The following EP400 variants were observed in gnomAD, a reference collection of about 807,000 sequenced individuals.
EP400 encodes the protein E1A binding protein p400.
In EP400, 105 loss-of-function variants were observed where a neutral mutation model predicts 354.1. That is an observed-to-expected ratio of 0.30 (90% confidence interval 0.25 to 0.35). The LOEUF (loss-of-function observed/expected upper bound fraction) is 0.35. EP400 is among the 10% of genes least tolerant of loss of function. EP400 has a pLI of 1.00. For missense variants in EP400, 3,280 were observed against 4,121.0 expected, an observed-to-expected ratio of 0.80 and a Z score of 5.59; for synonymous variants, 1,646 against 1,716.9, an observed-to-expected ratio of 0.96 and a Z score of 1.02.
chr12:132,035,680 A>G (rs1354486376), intron 30 of EP400, among the ~76,000 whole-genome samples: 17 of 140,810 alleles, frequency 1.2e-4, no homozygotes, highest in East Asian at 4.4e-4. Flanking sequence ...AGGTTCACAC[A>G]GAACGTCATG....
intron 23 of EP400, among the ~76,000 whole-genome samples, chr12:132,021,662 G>C (rs561540145): frequency 6.6e-6 from 1 of 152,240 alleles, no homozygotes; most frequent in Non-Finnish European, 1.5e-5. Flanking sequence ...GGTGCACTCT[G>C]GGGGAGCAGA....
At chr12:132,011,074 T>C (rs1893748941) in intron 15 of EP400, among the ~76,000 whole-genome samples, 1 of 152,256 alleles carries the variant, frequency 6.6e-6, no homozygotes, top group South Asian at 2.1e-4. Flanking sequence ...AAACACAGTT[T>C]AGACGCCTGC....
Position 132,043,656 on chromosome 12 carries a change from T to A in EP400, c.6378T>A (p.Ile2126=), listed in dbSNP as rs201673379. Reference sequence around the variant, plus strand: ...TACTTTTGGAACAGCTTACACCAATTGAAAAATATGCTTTAAATTACCTGG... The same window carrying A: ...TACTTTTGGAACAGCTTACACCAATAGAAAAATATGCTTTAAATTACCTGG... ...LADFMEQLTP[I]EKYALNYLEL... Residue 2126 remains isoleucine, a synonymous_variant, in exon 34 of 53, where the codon ATT becomes ATA. Coordinates refer to ENST00000389561, the MANE Select transcript of EP400 (RefSeq NM_015409.5). 3.7e-6 allele frequency: 6 copies of A among 1,610,150 alleles called. No individual in the cohort carries two copies. The Admixed American group carries it at 8.5e-5, about 23-fold the overall frequency.
In EP400 at chr12:132,011,614, G is replaced by A; in HGVS notation, c.3421G>A (p.Glu1141Lys). ...CCTCTCATATATTGGCAGCCACAGA[G>A]AACTCAAAGCAAAGAGACAGGTATT... ...KILSYIGSHR[E>K]LKAKRQEWAE... Residue 1141 changes from glutamate (E) to lysine (K), a missense_variant, in exon 16 of 53, where the codon GAA (glutamate) becomes AAA (lysine). Around this residue, in one of 20 missense-constraint regions of EP400, gnomAD observed 242 missense variants for 357.9 expected, o/e 0.68. Coordinates refer to ENST00000389561, the MANE Select transcript of EP400 (RefSeq NM_015409.5). The A allele has an allele frequency of 6.2e-7, 1 of 1,608,318 alleles. No individual in the cohort carries two copies. The highest frequency in any genetic ancestry group is 1.1e-5 in the South Asian group (1 of 89,534).
At chr12:131,967,053 C>T (rs1413825088) in intron 2 of EP400, among the ~76,000 whole-genome samples, 3 of 150,976 alleles carry the variant, frequency 2.0e-5, no homozygotes, top group African/African-American at 7.3e-5. Context: ...CATCCTGGGC[C>T]ACAGGGCCAC....
rs778736417 is a variant in EP400, at chr12:132,044,898, G to T, written c.6729G>T (p.Lys2243Asn). The change falls in exon 37 of 53, where the codon AAG (lysine) becomes AAT (asparagine). Residue 2243 changes from lysine to asparagine, a missense_variant. Transcript: ENST00000389561. ...MYEATPIPEAKLPPVYVRKER... is the reference protein window; with the variant it reads ...MYEATPIPEANLPPVYVRKER... ...AAGCCACTCCCATCCCAGAGGCTAA[G>T]CTGCCCCCTGTGTACGTGAGGAAGG... 1 of 1,614,086 alleles carries T rather than the reference G, an allele frequency of 6.2e-7. No individual in the cohort carries two copies. The highest frequency in any genetic ancestry group is 8.5e-7 in the Non-Finnish European group (1 of 1,180,036).
chr12:131,960,978 A>G lies in EP400; in HGVS notation c.359A>G (p.Tyr120Cys), dbSNP rs1335007910. ...CGGTTTGAGCATGGGTCTCCATCAT[A>G]CATTCAGGTCACGTCCCCCTTGTCC... ...PRRFEHGSPS[Y>C]IQVTSPLSQQ... Residue 120 changes from tyrosine to cysteine, a missense_variant, in exon 2 of 53, where the codon TAC (tyrosine) becomes TGC (cysteine). By Grantham distance (194) the Tyr-to-Cys change is radical. Coordinates refer to ENST00000389561, the MANE Select transcript of EP400 (RefSeq NM_015409.5). 1 of 1,608,918 alleles carries G rather than the reference A, an allele frequency of 6.2e-7. No homozygotes were observed. The highest frequency in any genetic ancestry group is 8.5e-7 in the Non-Finnish European group (1 of 1,178,218).
chr12:131,971,999 G>A (rs562449509), intron 2 of EP400, among the ~76,000 whole-genome samples: 3 of 152,136 alleles, frequency 2.0e-5, no homozygotes, highest in Admixed American at 2.0e-4. Flanking sequence ...CTTGTAAGAC[G>A]GAAAGAGGAA....
Position 132,067,024 on chromosome 12 carries a change from T to C in EP400, c.8749+55T>C. On this transcript the variant is annotated intron_variant, in intron 49 of 52. Transcript: ENST00000389561. The surrounding 1 kb of genome is among the most constrained non-coding windows in gnomAD (Gnocchi z 5.3). ...GGGCTTGAGCCTGGTTTCACAGGCC[T>C]CTCTGGTGGCAGTGGTCGCCAGCGA... is the stretch of plus-strand genomic sequence containing the variant. The C allele has an allele frequency of 6.7e-7, 1 of 1,488,550 alleles. No homozygotes were observed. The highest frequency in any genetic ancestry group is 8.9e-7 in the Non-Finnish European group (1 of 1,121,888). The allele number at this position is 1,488,550 out of a possible 1,614,324, so 92.2% of individuals were successfully genotyped here.
At chr12:131,952,948 G>C (rs1293198977) in intron 1 of EP400, among the ~76,000 whole-genome samples, 1 of 152,074 alleles carries the variant, frequency 6.6e-6, no homozygotes, top group East Asian at 1.9e-4. Context: ...GAGTTCCTTT[G>C]CCCTTTCTCC....
In EP400 at chr12:131,990,743, C is replaced by T. The variant is rs746634020; in HGVS notation, c.2629+29C>T. ...GGACCCTTTAAAAAAAGGCTCACCA[C>T]GCTTGGGTGGTATTTTGTTCGGATT... On this transcript the variant is annotated intron_variant, in intron 9 of 52. Transcript: ENST00000389561. The surrounding 1 kb of genome is among the most constrained non-coding windows in gnomAD (Gnocchi z 4.2). 3.9e-6 allele frequency: 6 copies of T among 1,519,494 alleles called. No individual in the cohort carries two copies. The highest frequency in any genetic ancestry group is 2.8e-5 in the African/African-American group (2 of 72,090). The allele number at this position is 1,519,494 out of a possible 1,614,324, so 94.1% of individuals were successfully genotyped here. A position where few individuals can be genotyped will look rare whatever the true frequency, so the allele number is the denominator to read the frequency against.
chr12:132,000,145 C>T (rs916847742), intron 12 of EP400, among the ~76,000 whole-genome samples: 5 of 151,776 alleles, frequency 3.3e-5, no homozygotes, highest in Admixed American at 6.5e-5. Context: ...TGAATTTTTC[C>T]GTAATACTGC....
intron 45 of EP400, among the ~76,000 whole-genome samples, chr12:132,055,468 G>A (rs948530019): frequency 1.1e-4 from 16 of 147,436 alleles, no homozygotes; most frequent in African/African-American, 4.0e-4. Flanking sequence ...GTGTGTGTGT[G>A]TGTGTGAGGT....
At chr12:132,033,904 A>T (rs1252290441) in intron 30 of EP400, among the ~76,000 whole-genome samples, 1 of 152,034 alleles carries the variant, frequency 6.6e-6, no homozygotes, top group African/African-American at 2.4e-5. Flanking sequence ...TTTTATTATT[A>T]TTTTTCTTGC....
intron 1 of EP400, among the ~76,000 whole-genome samples, chr12:131,952,446 C>T (rs961151674): frequency 2.0e-5 from 3 of 152,098 alleles, no homozygotes; most frequent in East Asian, 3.9e-4. Context: ...CGCGCCCGGC[C>T]CCAATAGCTT....
At chr12:132,009,894 C>T (rs1387618992) in intron 15 of EP400, among the ~76,000 whole-genome samples, 3 of 130,776 alleles carry the variant, frequency 2.3e-5, no homozygotes, top group South Asian at 4.8e-4. Flanking sequence ...TGGCTGATCT[C>T]GAACTCCTGG....
intron 12 of EP400, among the ~76,000 whole-genome samples, chr12:132,001,276 C>T (rs1893403192): frequency 1.3e-5 from 2 of 152,110 alleles, no homozygotes. Flanking sequence ...GAGTCATCTC[C>T]AATGATAGGT....
Position 131,961,256 on chromosome 12 carries a change from G to A in EP400, c.637G>A (p.Gly213Ser). ...QGAQVQLQHP[G>S]TPITVRERRP... ...AGCCCAGGTTCAGCTCCAGCACCCG[G>A]GTACGCCCATCACAGTCCGAGAGCG... The change falls in exon 2 of 53, where the codon GGT becomes AGT. Residue 213 changes from glycine (G) to serine (S), a missense_variant. By Grantham distance (56) the Gly-to-Ser change is moderately conservative. Around this residue, in one of 20 missense-constraint regions of EP400, gnomAD observed 11 missense variants for 42.2 expected, o/e 0.26. Coordinates refer to ENST00000389561, the MANE Select transcript of EP400 (RefSeq NM_015409.5). 6 of 1,439,534 alleles carry A rather than the reference G, an allele frequency of 4.2e-6. No individual in the cohort carries two copies. Among genetic ancestry groups the A allele is most frequent in the Non-Finnish European group, 5.7e-6 (6 of 1,044,788 alleles). 89.2% of individuals were successfully genotyped at this position (1,439,534 alleles called of 1,614,324 possible). A position where few individuals can be genotyped will look rare whatever the true frequency, so the allele number is the denominator to read the frequency against.
intron 41 of EP400, chr12:132,051,064 G>C (rs1895271639): frequency 3.7e-6 from 1 of 270,634 alleles, no homozygotes; most frequent in Non-Finnish European, 7.1e-6. Flanking sequence ...GGGGAAAAGA[G>C]GAATGAATGA....
Sources: allele counts gnomAD v4.1 joint callset (sites outside exome capture counted in the v4.1 genomes callset), GRCh38; gene constraint gnomAD v4.1.1; regional missense constraint gnomAD v4.1.1; non-coding constraint Gnocchi (gnomAD v3.1); transcripts MANE v1.5; gene names NCBI Gene and HGNC (gene_info 2026-07-23, HGNC 2026-07-21).